The following CMTR1 variants were observed in gnomAD, a reference collection of about 807,000 sequenced individuals.
CMTR1 encodes cap-specific mRNA (nucleoside-2'-O-)-methyltransferase 1.
A neutral mutation model predicts 107.0 loss-of-function variants in CMTR1; 39 were observed. That is an observed-to-expected ratio of 0.36 (90% CI 0.28 to 0.48). The LOEUF (loss-of-function observed/expected upper bound fraction) is 0.48. CMTR1 is among the 20% of genes least tolerant of loss of function. The probability of loss-of-function intolerance (pLI) is 0.99; values close to 1 mark genes in which losing one functional copy is unlikely to be tolerated. For missense variants in CMTR1, 672 were observed against 1,064.9 expected (o/e 0.63, Z 5.14); for synonymous variants, 366 against 379.5 (o/e 0.96, Z 0.41).
At position 37,462,400 on chromosome 6, in the gene CMTR1, G is replaced by T. The variant is rs551435239; in HGVS notation, c.1325+298G>T. On this transcript the variant is annotated intron_variant, in intron 12 of 23. Transcript: ENST00000373451. ...TTCAGGGGTCTTGGGCTGGGAAGGGGCAAGGAGCCGCTATCCAGAGGCACT... is the reference window on the plus strand; with the variant it reads ...TTCAGGGGTCTTGGGCTGGGAAGGGTCAAGGAGCCGCTATCCAGAGGCACT... 2.0e-5 allele frequency among the ~76,000 whole-genome samples: 3 copies of T among 152,318 alleles called. No individual in the cohort carries two copies. In the South Asian group the frequency reaches 6.2e-4, roughly 32 times the overall value.
At position 37,444,165 on chromosome 6, in the gene CMTR1, G is replaced by T. The variant is rs777314900; in HGVS notation, c.285+15G>T. On this transcript the variant is annotated intron_variant, in intron 3 of 23. Transcript: ENST00000373451. ...AGAAGCTTATGGTATGTCAGCGCTT[G>T]GGTTGGGTTTCTCAAGCCCCACCAG... 1 of 1,611,848 alleles carries T rather than the reference G, an allele frequency of 6.2e-7. No homozygotes were observed. Among genetic ancestry groups the T allele is most frequent in the South Asian group, 1.1e-5 (1 of 90,626 alleles).
At chr6:37,475,243 C>T in intron 18 of CMTR1, 78 bp from the exon 19 acceptor site, 1 of 1,138,238 alleles carries the variant, frequency 8.8e-7, no homozygotes, top group Non-Finnish European at 1.3e-6. Context: ...CAGAATGGAG[C>T]CAGCATGCCA....
rs571903114 is a variant in CMTR1 at position 37,436,873 on chromosome 6, A to G, written c.133+1111A>G. Among the ~76,000 whole-genome samples the G allele has an allele frequency of 1.2e-4, 19 of 152,266 alleles. No individual in the cohort carries two copies. The South Asian group carries it at 3.7e-3, about 30-fold the overall frequency. The stretch of plus-strand genomic sequence containing the variant: ...CTCTGTTGGATCACTGGGAAACTGG[A>G]ATGAAATTTCATAACAGATTGGTGA... On this transcript the variant is annotated intron_variant, in intron 2 of 23. Coordinates refer to ENST00000373451, the MANE Select transcript of CMTR1 (RefSeq NM_015050.3).
At chr6:37,446,904 A>G (rs1562118515) in intron 4 of CMTR1, among the ~76,000 whole-genome samples, 2 of 152,168 alleles carry the variant, frequency 1.3e-5, no homozygotes, top group Non-Finnish European at 2.9e-5. Flanking sequence ...CAGGTTCTAA[A>G]TAGGTGCTTT....
At chr6:37,478,172 C>G (rs191098728) in intron 21 of CMTR1, among the ~76,000 whole-genome samples, 25 of 152,236 alleles carry the variant, frequency 1.6e-4, no homozygotes, top group Admixed American at 9.2e-4. Context: ...TGAAATCCCT[C>G]AAGCAGCAGT....
chr6:37,459,361 T>C (rs1341893012), intron 9 of CMTR1, among the ~76,000 whole-genome samples: 2 of 152,270 alleles, frequency 1.3e-5, no homozygotes, highest in Non-Finnish European at 2.9e-5. Flanking sequence ...TGATGACTTT[T>C]GACTGGTCAA....
intron 2 of CMTR1, among the ~76,000 whole-genome samples, chr6:37,437,069 A>G (rs985193517): frequency 6.6e-6 from 1 of 152,176 alleles, no homozygotes; most frequent in South Asian, 2.1e-4. Flanking sequence ...AGTCCAGGCT[A>G]GATAAGAGAG....
chr6:37,428,052 GAGA>G, the CMTR1 span, among the ~76,000 whole-genome samples: 13 of 134,872 alleles, frequency 9.6e-5, no homozygotes, highest in East Asian at 2.0e-3. Flanking sequence ...GAGAGAGAGA[GAGA>G]GAGAGAAACT....
At chr6:37,445,487 T>C (rs1771764544) in intron 3 of CMTR1, among the ~76,000 whole-genome samples, 1 of 138,906 alleles carries the variant, frequency 7.2e-6, no homozygotes, top group South Asian at 2.3e-4. Flanking sequence ...ACCTCACCTT[T>C]TTTTTTTTTT....
intron 10 of CMTR1, among the ~76,000 whole-genome samples, chr6:37,461,278 T>C (rs2113880487): frequency 6.6e-6 from 1 of 152,120 alleles, no homozygotes; most frequent in South Asian, 2.1e-4. Context: ...TTCTAAACCA[T>C]CTCCTTGGAA....
chr6:37,435,081 C>T (rs912463319), intron 1 of CMTR1, among the ~76,000 whole-genome samples: 1 of 152,168 alleles, frequency 6.6e-6, no homozygotes, highest in African/African-American at 2.4e-5. Context: ...AAAAACTTTC[C>T]CAATTCTTTC....
Position 37,466,797 on chromosome 6 carries a change from A to G in CMTR1, c.1505+3789A>G, listed in dbSNP as rs547926140. 6.6e-5 allele frequency among the ~76,000 whole-genome samples: 10 copies of G among 152,310 alleles called. No individual in the cohort carries two copies. The East Asian group carries it at 1.9e-3, about 29-fold the overall frequency. The stretch of plus-strand genomic sequence containing the variant: ...TATTTGGTGTCCCTTGAGATTCCAT[A>G]TAAATTTTAGGATGGGTTTTTCTAT... On this transcript the variant is annotated intron_variant, in intron 13 of 23. Coordinates refer to ENST00000373451, the MANE Select transcript of CMTR1 (RefSeq NM_015050.3).
At chr6:37,436,357 T>C (rs961788121) in intron 2 of CMTR1, 2 of 152,230 alleles carry the variant, frequency 1.3e-5, no homozygotes, top group African/African-American at 2.4e-5. Context: ...GTAAAATGTC[T>C]GGGAGCTTGC....
intron 5 of CMTR1, among the ~76,000 whole-genome samples, chr6:37,450,895 C>T (rs533786201): frequency 5.3e-5 from 8 of 152,024 alleles, no homozygotes; most frequent in Admixed American, 1.3e-4. Flanking sequence ...CACTTTTCAC[C>T]CTCATTCTCT....
At position 37,458,995 on chromosome 6, in the gene CMTR1, A is replaced by T. The variant is rs1761351304; in HGVS notation, c.976+185A>T. On this transcript the variant is annotated intron_variant, in intron 9 of 23. Coordinates refer to ENST00000373451, the MANE Select transcript of CMTR1 (RefSeq NM_015050.3). This position sits in a 1 kb window ranked among gnomAD's most constrained non-coding sequence, Gnocchi z 4.7. ...TCCCTTTTTACCCTGGGCCTGCAGA[A>T]TACAGGTCAAACACTCCCTCAGCAG... Among the ~76,000 whole-genome samples the T allele has an allele frequency of 6.6e-6, 1 of 152,234 alleles. No homozygotes were observed. Among genetic ancestry groups the T allele is most frequent in the African/African-American group, 2.4e-5 (1 of 41,454 alleles).
At chr6:37,425,535 C>A in the CMTR1 span, among the ~76,000 whole-genome samples, 1 of 151,936 alleles carries the variant, frequency 6.6e-6, no homozygotes, top group Non-Finnish European at 1.5e-5. Flanking sequence ...ACTTTGTGAT[C>A]CACCTTGGGC....
chr6:37,464,492 G>T (rs1218406419), intron 13 of CMTR1, among the ~76,000 whole-genome samples: 1 of 151,210 alleles, frequency 6.6e-6, no homozygotes, highest in South Asian at 2.1e-4. Context: ...GATAAAAAAC[G>T]TTTCCATCAC....
At chr6:37,469,523 T>A (rs887873922) in intron 13 of CMTR1, among the ~76,000 whole-genome samples, 2 of 113,912 alleles carry the variant, frequency 1.8e-5, no homozygotes, top group Non-Finnish European at 3.3e-5. Flanking sequence ...GTTTTATCCT[T>A]TTTTTTTTTT....
At chr6:37,467,764 A>G (rs1383607384) in intron 13 of CMTR1, among the ~76,000 whole-genome samples, 1 of 152,204 alleles carries the variant, frequency 6.6e-6, no homozygotes, top group Non-Finnish European at 1.5e-5. Context: ...ATCTGACATT[A>G]GTATAGCCAC....
Sources: gnomAD v4.1 joint callset for allele counts (sites outside exome capture counted in the v4.1 genomes callset) on GRCh38, gnomAD v4.1.1 for gene constraint, Gnocchi (gnomAD v3.1) non-coding constraint, MANE v1.5 for transcripts, NCBI Gene and HGNC (gene_info 2026-07-23, HGNC 2026-07-21) for gene names.